Variants in MTF1 observed in about 807,000 individuals in gnomAD.
MTF1 encodes the protein MRE-binding transcription factor.
In MTF1, 22 loss-of-function variants were observed where a neutral mutation model predicts 70.4. The ratio of observed to expected loss-of-function variants is 0.31; its 90% confidence interval spans 0.22 to 0.45. The LOEUF (loss-of-function observed/expected upper bound fraction) is 0.45, where lower values mean the gene tolerates loss of function less well. Ranked by LOEUF, MTF1 falls within the 20% of genes least tolerant of loss-of-function variation. MTF1 has a pLI of 1.00. For synonymous variants in MTF1, 333 were observed against 352.8 expected (o/e 0.94, Z 0.63); for missense variants, 649 against 922.0 (o/e 0.70, Z 3.83).
At chr1:37,830,113 A>T (rs1217537782) in intron 7 of MTF1, among the ~76,000 whole-genome samples, 1 of 152,208 alleles carries the variant, frequency 6.6e-6, no homozygotes, top group South Asian at 2.1e-4. Flanking sequence ...TTACACGTTA[A>T]AGGGATATTA....
At chr1:37,849,177 G>A (rs1641376828) in intron 2 of MTF1, among the ~76,000 whole-genome samples, 1 of 152,180 alleles carries the variant, frequency 6.6e-6, no homozygotes, top group African/African-American at 2.4e-5. Flanking sequence ...TGTAATCCCA[G>A]CACTGTGGGA....
chr1:37,840,219 C>T lies in MTF1; in HGVS notation c.409-61G>A, dbSNP rs79621568. On this transcript the variant is annotated intron_variant, in intron 2 of 10. Coordinates refer to ENST00000373036, the MANE Select transcript of MTF1 (RefSeq NM_005955.3). The surrounding 1 kb of genome is among the most constrained non-coding windows in gnomAD (Gnocchi z 4.5). ...AATGCTGCCCAGGGCTTAACTCCCC[C>T]ACCCAGAGCTCAGCTCCCAAGAGAT... The T allele has an allele frequency of 2.9e-3, 4,257 of 1,459,740 alleles. 12 individuals carry two copies. The highest frequency in any genetic ancestry group is 3.2e-3 in the Non-Finnish European group (3,339 of 1,044,296). The allele number at this position is 1,459,740 out of a possible 1,614,324, so 90.4% of individuals were successfully genotyped here.
In MTF1 at chr1:37,823,776, T is replaced by C. The variant is rs746785762; in HGVS notation, c.1105A>G (p.Ile369Val). ...GQDLSTISPA[I>V]IFESMFQNSD... ...TTCTGGAACATTGATTCAAAGATGA[T>C]TGCTGGTGAAATTGTGCTGAGGTCC... The change falls in exon 8 of 11, where the codon ATC becomes GTC. Residue 369 changes from isoleucine to valine, a missense_variant. Ile to Val is a conservative substitution (Grantham distance 29). Coordinates refer to ENST00000373036, the MANE Select transcript of MTF1 (RefSeq NM_005955.3). The C allele has an allele frequency of 4.3e-6, 7 of 1,614,012 alleles. No homozygotes were observed. The highest frequency in any genetic ancestry group is 1.7e-5 in the Admixed American group (1 of 59,996).
chr1:37,856,796 TA>T (rs1641504362), intron 2 of MTF1, among the ~76,000 whole-genome samples: 1 of 152,064 alleles, frequency 6.6e-6, no homozygotes, highest in African/African-American at 2.4e-5. Context: ...CACTGTGAAA[TA>T]AAAGTTCATT....
rs914431776 is a variant in MTF1, at chr1:37,815,043, T to A, written c.*93A>T. The A allele has an allele frequency of 2.9e-6, 3 of 1,032,976 alleles. No individual in the cohort carries two copies. In the African/African-American group the frequency reaches 4.8e-5, roughly 17 times the overall value. The allele number at this position is 1,032,976 out of a possible 1,614,324, so 64.0% of individuals were successfully genotyped here. On this transcript the variant is annotated 3_prime_UTR_variant, in exon 11 of 11. Coordinates refer to ENST00000373036, the MANE Select transcript of MTF1 (RefSeq NM_005955.3). The surrounding 1 kb of genome is among the most constrained non-coding windows in gnomAD (Gnocchi z 4.5). ...TGAGGATTTCAAACAGTAGATTTCT[T>A]CATCCTTCAAATTTCTGACCCATGA...
chr1:37,856,341 C>T (rs1641493972), intron 2 of MTF1, among the ~76,000 whole-genome samples: 1 of 151,620 alleles, frequency 6.6e-6, no homozygotes, highest in South Asian at 2.1e-4. Flanking sequence ...CTATGCCTGG[C>T]TAATTTTTCT....
chr1:37,829,207 CA>C (rs1553147765), intron 7 of MTF1, among the ~76,000 whole-genome samples: 2 of 151,440 alleles, frequency 1.3e-5, no homozygotes, highest in Non-Finnish European at 2.9e-5. Flanking sequence ...AGGGCTCAAA[CA>C]ATCCTTTTGC....
Position 37,822,295 on chromosome 1 carries a change from G to T in MTF1, c.1593C>A (p.Ala531=), listed in dbSNP as rs369400488. ...CACCCAGGGGCAGAGTCTGGACCAT[G>T]GCTGGCAGGGGCTCAGTAGTACTTT... ...PPQSTTEPLP[A]MVQTLPLGAN... The change falls in exon 9 of 11, where the codon GCC becomes GCA. Residue 531 remains alanine, a synonymous_variant. Transcript: ENST00000373036. 5 of 1,614,010 alleles carry T rather than the reference G, an allele frequency of 3.1e-6. No individual in the cohort carries two copies. Among genetic ancestry groups the T allele is most frequent in the Non-Finnish European group, 4.2e-6 (5 of 1,180,008 alleles).
At chr1:37,816,824 C>T (rs983324480) in intron 10 of MTF1, among the ~76,000 whole-genome samples, 7 of 152,092 alleles carry the variant, frequency 4.6e-5, no homozygotes, top group Non-Finnish European at 8.8e-5. Context: ...ATCGTGCCAC[C>T]ATACTGCAGC....
intron 2 of MTF1, among the ~76,000 whole-genome samples, chr1:37,842,665 G>C (rs1398875042): frequency 6.6e-6 from 1 of 152,130 alleles, no homozygotes; most frequent in Non-Finnish European, 1.5e-5. Flanking sequence ...TGATGCGGTA[G>C]AAGAAGCACT....
intron 2 of MTF1, among the ~76,000 whole-genome samples, chr1:37,847,701 G>C (rs1641354328): frequency 6.6e-6 from 1 of 152,176 alleles, no homozygotes; most frequent in Non-Finnish European, 1.5e-5. Flanking sequence ...TTAAAACACT[G>C]TTGTATGGGC....
At chr1:37,848,951 G>C (rs973057253) in intron 2 of MTF1, among the ~76,000 whole-genome samples, 3 of 152,136 alleles carry the variant, frequency 2.0e-5, no homozygotes, top group Non-Finnish European at 4.4e-5. Context: ...CATGAGATTG[G>C]AACTAGGTCT....
At chr1:37,856,728 G>A (rs913648833) in intron 2 of MTF1, among the ~76,000 whole-genome samples, 2 of 150,198 alleles carry the variant, frequency 1.3e-5, no homozygotes, top group Non-Finnish European at 3.0e-5. Context: ...TCGAACTCCT[G>A]ACCTCAAATG....
intron 2 of MTF1, among the ~76,000 whole-genome samples, chr1:37,855,669 T>C (rs1410323343): frequency 2.0e-5 from 3 of 152,150 alleles, no homozygotes; most frequent in Non-Finnish European, 4.4e-5. Flanking sequence ...TAATAGTTCC[T>C]GGATGGGCCG....
chr1:37,836,295 C>A (rs886584563), intron 4 of MTF1, among the ~76,000 whole-genome samples: 2 of 152,054 alleles, frequency 1.3e-5, no homozygotes, highest in African/African-American at 4.8e-5. Flanking sequence ...AGAGCCCTGA[C>A]AACAAAAGTC....
intron 2 of MTF1, among the ~76,000 whole-genome samples, chr1:37,843,897 C>G (rs1057366470): frequency 1.5e-5 from 2 of 136,508 alleles, no homozygotes; most frequent in African/African-American, 5.4e-5. Flanking sequence ...CCCATCTGAT[C>G]TTGCACAAGT....
At chr1:37,850,582 G>A (rs1002736132) in intron 2 of MTF1, among the ~76,000 whole-genome samples, 1 of 151,918 alleles carries the variant, frequency 6.6e-6, no homozygotes, top group Non-Finnish European at 1.5e-5. Context: ...GAGAGAGAGA[G>A]AGAGAGATCT....
chr1:37,833,340 G>GTCAA (rs1226724968), intron 6 of MTF1, among the ~76,000 whole-genome samples: 1 of 152,202 alleles, frequency 6.6e-6, no homozygotes, highest in East Asian at 1.9e-4. Context: ...TGACTGAAAA[G>GTCAA]TCAATGGTCC....
Position 37,835,750 on chromosome 1 carries a change from TTTG to T in MTF1, c.780-9_780-7del, listed in dbSNP as rs761485470. On this transcript the variant is annotated splice_region_variant and splice_polypyrimidine_tract_variant and intron_variant, in intron 4 of 10. Transcript: ENST00000373036. Reference sequence around the variant, plus strand: ...CACAGCCATCGTGATCGCACCTAAATTTGTTAAGGAAAGAGAAACAGGAGTCAT... The same window carrying T: ...CACAGCCATCGTGATCGCACCTAAATTTAAGGAAAGAGAAACAGGAGTCAT... The T allele has an allele frequency of 6.2e-7, 1 of 1,613,592 alleles. No homozygotes were observed. Among genetic ancestry groups the T allele is most frequent in the Non-Finnish European group, 8.5e-7 (1 of 1,179,550 alleles).
Sources: allele counts gnomAD v4.1 joint callset (sites outside exome capture counted in the v4.1 genomes callset), GRCh38; gene constraint gnomAD v4.1.1; non-coding constraint Gnocchi (gnomAD v3.1); transcripts MANE v1.5; gene names NCBI Gene and HGNC (gene_info 2026-07-23, HGNC 2026-07-21).